Variants in CLIC6 observed in about 807,000 individuals in gnomAD.
The protein encoded by CLIC6 is chloride intracellular channel protein 6.
A neutral mutation model predicts 49.2 loss-of-function variants in CLIC6; 39 were observed. That is an observed-to-expected ratio of 0.79 (90% CI 0.61 to 1.04). CLIC6 has a LOEUF of 1.04. Among genes scored for constraint, CLIC6 ranks in the 50% least tolerant of loss-of-function variants. The probability of loss-of-function intolerance (pLI) is 0.00; values close to 1 mark genes in which losing one functional copy is unlikely to be tolerated. For missense variants in CLIC6, 988 were observed against 993.1 expected (o/e 0.99, Z 0.07); for synonymous variants, 446 against 433.4 (o/e 1.03, Z -0.36).
chr21:34,682,973 A>G (rs552782718), intron 1 of CLIC6, among the ~76,000 whole-genome samples: 270 of 151,566 alleles, frequency 1.8e-3, no homozygotes, highest in African/African-American at 6.2e-3. Context: ...CAACACGCCC[A>G]GCTAATTTTT....
At chr21:34,684,497 G>A (rs937980820) in intron 1 of CLIC6, among the ~76,000 whole-genome samples, 1 of 152,252 alleles carries the variant, frequency 6.6e-6, no homozygotes, top group Non-Finnish European at 1.5e-5. Context: ...TGACAGCCAT[G>A]TAGAAATAGC....
In CLIC6 at chr21:34,716,862, T is replaced by TCACACACACACACACACA. The variant is rs10541127; in HGVS notation, c.*401_*418dup. 45 of 131,718 alleles carry TCACACACACACACACACA rather than the reference T, an allele frequency of 3.4e-4. No homozygotes were observed. Among genetic ancestry groups the TCACACACACACACACACA allele is most frequent in the African/African-American group, 1.4e-3 (44 of 31,294 alleles). The allele number at this position is 131,718 out of a possible 1,614,324, so 8.2% of individuals were successfully genotyped here. ...CTCTCTCTCTCTCTCTCTCTCTCTA[T>TCACACACACACACACACA]CACACACACACACACACACACACAC... On this transcript the variant is annotated 3_prime_UTR_variant, in exon 6 of 6. Coordinates refer to ENST00000349499, the MANE Select transcript of CLIC6 (RefSeq NM_053277.3).
intron 1 of CLIC6, among the ~76,000 whole-genome samples, chr21:34,680,818 C>T (rs1260919827): frequency 6.6e-6 from 1 of 152,342 alleles, no homozygotes; most frequent in East Asian, 1.9e-4. Flanking sequence ...GCATTTTGGT[C>T]AAATCCATTC....
rs546011300 is a variant in CLIC6, at chr21:34,677,416, T to C, written c.1374+6654T>C. On this transcript the variant is annotated intron_variant, in intron 1 of 5. Coordinates refer to ENST00000349499, the MANE Select transcript of CLIC6 (RefSeq NM_053277.3). Reference sequence around the variant, plus strand: ...GTATTTAATGTTGAAGAGAACACCATTAAGAGTGTGTTCAGCTGCAATTAA... The same window carrying C: ...GTATTTAATGTTGAAGAGAACACCACTAAGAGTGTGTTCAGCTGCAATTAA... Among the ~76,000 whole-genome samples the C allele has an allele frequency of 2.0e-5, 3 of 152,314 alleles. No individual in the cohort carries two copies. The East Asian group carries it at 5.8e-4, about 29-fold the overall frequency.
intron 1 of CLIC6, among the ~76,000 whole-genome samples, chr21:34,681,989 T>C (rs1182002898): frequency 6.6e-6 from 1 of 152,232 alleles, no homozygotes; most frequent in East Asian, 1.9e-4. Flanking sequence ...TCACTCCTTA[T>C]CAGTGCCTCT....
At chr21:34,690,612 C>T (rs1038723776) in intron 1 of CLIC6, among the ~76,000 whole-genome samples, 1 of 152,090 alleles carries the variant, frequency 6.6e-6, no homozygotes, top group African/African-American at 2.4e-5. Flanking sequence ...ACTCATTACC[C>T]TGACACTGGG....
At position 34,670,494 on chromosome 21, in the gene CLIC6, A is replaced by T; in HGVS notation, c.1106A>T (p.Glu369Val). Reference protein sequence around the residue: ...VGDGPQQEPGEDEERRERSPE... With the variant: ...VGDGPQQEPGVDEERRERSPE... ...GATGGGCCACAGCAGGAGCCGGGGG[A>T]GGACGAAGAGAGACGAGAGCGGAGC... Residue 369 changes from glutamate to valine, a missense_variant, in exon 1 of 6, where the codon GAG (glutamate) becomes GTG (valine). By Grantham distance (121) the Glu-to-Val change is moderately radical. This residue lies in a region of CLIC6 where 647 missense variants were observed against 596.9 expected (regional missense o/e 1.08). Transcript: ENST00000349499. The T allele has an allele frequency of 6.7e-7, 1 of 1,491,872 alleles. No individual in the cohort carries two copies. Among genetic ancestry groups the T allele is most frequent in the African/African-American group, 1.4e-5 (1 of 70,284 alleles). The allele number at this position is 1,491,872 out of a possible 1,614,324, so 92.4% of individuals were successfully genotyped here.
rs766338902 is a variant in CLIC6 at position 34,670,711 on chromosome 21, G to T, written c.1323G>T (p.Ala441=). The T allele has an allele frequency of 1.9e-6, 3 of 1,595,568 alleles. No homozygotes were observed. Among genetic ancestry groups the T allele is most frequent in the Non-Finnish European group, 8.5e-7 (1 of 1,175,280 alleles). The change falls in exon 1 of 6, where the codon GCG becomes GCT. Residue 441 remains alanine, a synonymous_variant. Coordinates refer to ENST00000349499, the MANE Select transcript of CLIC6 (RefSeq NM_053277.3). ...ACGGCCGCCGGGAGGACGGAGAGGC[G>T]TCCGAGCCCCGGGCCCTGGGGCAGG... ...RVNGRREDGE[A]SEPRALGQEH... is the part of the protein sequence containing the mutation.
At chr21:34,698,645 T>A (rs1990133478) in intron 1 of CLIC6, among the ~76,000 whole-genome samples, 1 of 152,186 alleles carries the variant, frequency 6.6e-6, no homozygotes, top group African/African-American at 2.4e-5. Flanking sequence ...CTCATTTAAT[T>A]CTTATCCAGC....
chr21:34,710,887 G>A (rs1170163936), intron 5 of CLIC6, among the ~76,000 whole-genome samples: 6 of 152,142 alleles, frequency 3.9e-5, no homozygotes, highest in African/African-American at 1.2e-4. Context: ...CACTGCCTGC[G>A]CTAGTAAATC....
At chr21:34,697,423 C>A (rs909604807) in intron 1 of CLIC6, among the ~76,000 whole-genome samples, 1 of 152,098 alleles carries the variant, frequency 6.6e-6, no homozygotes, top group African/African-American at 2.4e-5. Flanking sequence ...CCCCTCCCCT[C>A]CCCTTCCCTT....
In CLIC6 at chr21:34,718,066, T is replaced by A. The variant is rs1269522831; in HGVS notation, c.*1584T>A. 2 of 152,620 alleles carry A rather than the reference T, an allele frequency of 1.3e-5. No homozygotes were observed. The highest frequency in any genetic ancestry group is 2.9e-5 in the Non-Finnish European group (2 of 68,030). The allele number at this position is 152,620 out of a possible 1,614,324, so 9.5% of individuals were successfully genotyped here. On this transcript the variant is annotated 3_prime_UTR_variant, in exon 6 of 6. Transcript: ENST00000349499. ...TTTCACATCTGGTTAGGGGGCAGAT[T>A]TTAAAATGTAGTTTTGTAATGTTAC...
At chr21:34,692,667 T>A (rs1990017776) in intron 1 of CLIC6, among the ~76,000 whole-genome samples, 1 of 152,220 alleles carries the variant, frequency 6.6e-6, no homozygotes, top group Non-Finnish European at 1.5e-5. Flanking sequence ...CATATATTGG[T>A]CATTGAAACT....
At chr21:34,705,488 CTG>C (rs1333671478) in intron 1 of CLIC6, among the ~76,000 whole-genome samples, 4 of 152,180 alleles carry the variant, frequency 2.6e-5, no homozygotes, top group Non-Finnish European at 4.4e-5. Flanking sequence ...TGTGTCATAA[CTG>C]TCCACCTTCC....
At chr21:34,709,306 T>C (rs1298879513) in intron 4 of CLIC6, 51 bp from the exon 5 acceptor site, 1 of 1,522,476 alleles carries the variant, frequency 6.6e-7, no homozygotes, top group Non-Finnish European at 9.0e-7. Context: ...TGGTGAAAAG[T>C]GACATGCACT....
Position 34,707,399 on chromosome 21 carries a change from G to A in CLIC6, c.1484+10G>A. The A allele has an allele frequency of 2.0e-6, 3 of 1,528,542 alleles. No homozygotes were observed. Among genetic ancestry groups the A allele is most frequent in the Non-Finnish European group, 2.7e-6 (3 of 1,104,382 alleles). 94.7% of individuals were successfully genotyped at this position (1,528,542 alleles called of 1,614,324 possible). Reference sequence around the variant, plus strand: ...CAGTGGACCTGAAAAGGTAAGACAAGGCGTCTGCCTTACTGAAATAACTGT... The same window carrying A: ...CAGTGGACCTGAAAAGGTAAGACAAAGCGTCTGCCTTACTGAAATAACTGT... On this transcript the variant is annotated intron_variant, in intron 2 of 5. Coordinates refer to ENST00000349499, the MANE Select transcript of CLIC6 (RefSeq NM_053277.3).
rs76075057 is a variant in CLIC6, at chr21:34,701,790, A to G, written c.1375-5490A>G. Among the ~76,000 whole-genome samples, 28 of 152,358 alleles carry G rather than the reference A, an allele frequency of 1.8e-4. No homozygotes were observed. The East Asian group carries it at 5.2e-3, about 28-fold the overall frequency. Reference sequence around the variant, plus strand: ...AACTCATAATTTTTTTTTAATTTACAGAACTATTCAAAATCAAGAAGTCTC... The same window carrying G: ...AACTCATAATTTTTTTTTAATTTACGGAACTATTCAAAATCAAGAAGTCTC... On this transcript the variant is annotated intron_variant, in intron 1 of 5. Coordinates refer to ENST00000349499, the MANE Select transcript of CLIC6 (RefSeq NM_053277.3).
At chr21:34,707,631 C>A (rs548101002) in intron 2 of CLIC6, among the ~76,000 whole-genome samples, 1 of 152,284 alleles carries the variant, frequency 6.6e-6, no homozygotes, top group Non-Finnish European at 1.5e-5. Flanking sequence ...AGTTGCTGGT[C>A]AGCTGTGACT....
chr21:34,704,115 G>T (rs2055998310), intron 1 of CLIC6, among the ~76,000 whole-genome samples: 1 of 152,140 alleles, frequency 6.6e-6, no homozygotes, highest in Non-Finnish European at 1.5e-5. Context: ...GAAAATGAAG[G>T]CTGTGTATGA....
Sources: gnomAD v4.1 joint callset for allele counts (sites outside exome capture counted in the v4.1 genomes callset) on GRCh38, gnomAD v4.1.1 for gene constraint, gnomAD v4.1.1 regional missense constraint, MANE v1.5 for transcripts, NCBI Gene and HGNC (gene_info 2026-07-23, HGNC 2026-07-21) for gene names.